Variants in HDAC9 observed in about 807,000 individuals in gnomAD.
HDAC9 encodes the protein MEF-2 interacting transcription repressor (MITR) protein.
In HDAC9, 41 loss-of-function variants were observed where a neutral mutation model predicts 139.4. The ratio of observed to expected loss-of-function variants is 0.29; its 90% CI spans 0.23 to 0.38. HDAC9 has a LOEUF of 0.38. HDAC9 is among the 10% of genes least tolerant of loss of function. The probability of loss-of-function intolerance (pLI) is 1.00; values close to 1 mark genes in which losing one functional copy is unlikely to be tolerated. For missense variants in HDAC9, 1,147 were observed against 1,297.0 expected, an observed-to-expected ratio of 0.88 and a Z score of 1.78; for synonymous variants, 517 against 476.2, an observed-to-expected ratio of 1.09 and a Z score of -1.12.
In HDAC9 at chr7:18,177,544, C is replaced by G. The variant is rs138630144; in HGVS notation, c.25+15195C>G. On this transcript the variant is annotated intron_variant, in intron 2 of 12. Transcript: ENST00000417496. ...TTCTTGCTTGGAGGCCTTTGAATGA[C>G]CCTTCCTCACCACTGGGAGTGTCCT... Among the ~76,000 whole-genome samples, 207 of 152,272 alleles carry G rather than the reference C, an allele frequency of 1.4e-3. 1 individual carries two copies. Among genetic ancestry groups the G allele is most frequent in the African/African-American group, 4.9e-3 (202 of 41,544 alleles).
intron 1 of HDAC9, among the ~76,000 whole-genome samples, chr7:18,388,706 A>C (rs1341875775): frequency 6.6e-6 from 1 of 152,140 alleles, no homozygotes; most frequent in Non-Finnish European, 1.5e-5. Context: ...CCTTGAGTCC[A>C]TCTGAAACAA....
chr7:18,648,624 C>A lies in HDAC9; in HGVS notation c.1408C>A (p.Gln470Lys), dbSNP rs770371922. The A allele has an allele frequency of 1.2e-6, 2 of 1,613,470 alleles. No individual in the cohort carries two copies. The highest frequency in any genetic ancestry group is 8.5e-7 in the Non-Finnish European group (1 of 1,179,686). Residue 470 changes from glutamine (Q) to lysine (K), a missense_variant, in exon 11 of 26, where the codon CAA becomes AAA. Physicochemically the swap from Gln to Lys is moderately conservative, Grantham distance 53. Around this residue, in one of 7 missense-constraint regions of HDAC9, gnomAD observed 256 missense variants for 219.2 expected, o/e 1.17. Transcript: ENST00000686413. ...GTTGGCTCAGCTGGTCATTCAACAG[C>A]AACACCAGCAATTCTTGGAGAAGCA... ...STLAQLVIQQ[Q>K]HQQFLEKQKQ...
At chr7:18,926,160 G>A (rs1004226288) in intron 22 of HDAC9, among the ~76,000 whole-genome samples, 4 of 152,102 alleles carry the variant, frequency 2.6e-5, no homozygotes, top group African/African-American at 9.7e-5. Flanking sequence ...ACCAGCCTGG[G>A]CAACATAGTA....
intron 7 of HDAC9, 112 bp downstream of exon 7, chr7:18,629,593 C>A: frequency 2.8e-6 from 3 of 1,061,758 alleles, no homozygotes; most frequent in East Asian, 2.9e-5. Flanking sequence ...AGAAATATTT[C>A]TTGAAAGGAA....
chr7:18,453,751 A>C (rs1407797242), intron 1 of HDAC9, among the ~76,000 whole-genome samples: 3 of 152,220 alleles, frequency 2.0e-5, no homozygotes, highest in African/African-American at 7.2e-5. Flanking sequence ...TATTACAAAT[A>C]AGTAAATGTC....
intron 22 of HDAC9, among the ~76,000 whole-genome samples, chr7:18,899,739 G>C (rs916912324): frequency 8.6e-5 from 13 of 151,810 alleles, no homozygotes; most frequent in African/African-American, 3.1e-4. Context: ...AGTGTAATTT[G>C]TTATATAACT....
intron 1 of HDAC9, among the ~76,000 whole-genome samples, chr7:18,421,566 CA>C (rs1290818745): frequency 8.5e-5 from 13 of 152,128 alleles, no homozygotes; most frequent in African/African-American, 3.1e-4. Flanking sequence ...TGGAAAGATA[CA>C]GGGAACTTTT....
intron 1 of HDAC9, among the ~76,000 whole-genome samples, chr7:18,303,225 C>CT (rs560496191): frequency 5.3e-4 from 78 of 148,518 alleles, no homozygotes; most frequent in Middle Eastern, 3.4e-3. Context: ...GAATAAGACT[C>CT]TTTTTTTTTT....
At chr7:18,621,509 A>G (rs1840198888) in intron 6 of HDAC9, among the ~76,000 whole-genome samples, 1 of 152,128 alleles carries the variant, frequency 6.6e-6, no homozygotes, top group South Asian at 2.1e-4. Context: ...AAGAGAATGG[A>G]TAGATGCAGT....
chr7:18,945,761 A>G (rs951425061), intron 23 of HDAC9, among the ~76,000 whole-genome samples: 1 of 151,674 alleles, frequency 6.6e-6, no homozygotes, highest in Non-Finnish European at 1.5e-5. Context: ...CCATTCAGCC[A>G]GGCACAGTGG....
chr7:18,262,737 A>C (rs1795760617), intron 2 of HDAC9, among the ~76,000 whole-genome samples: 1 of 152,214 alleles, frequency 6.6e-6, no homozygotes, highest in Non-Finnish European at 1.5e-5. Context: ...AGGGTAGAGA[A>C]CAGAGCTATT....
intron 15 of HDAC9, among the ~76,000 whole-genome samples, chr7:18,764,400 A>G (rs1258639078): frequency 6.6e-6 from 1 of 152,178 alleles, no homozygotes; most frequent in Non-Finnish European, 1.5e-5. Flanking sequence ...ACGTAAGTAC[A>G]CAGAAACAGG....
At chr7:18,439,479 G>T (rs908682310) in intron 1 of HDAC9, among the ~76,000 whole-genome samples, 1 of 152,014 alleles carries the variant, frequency 6.6e-6, no homozygotes, top group Non-Finnish European at 1.5e-5. Context: ...CCCATCTCAC[G>T]TCTGCTTCAT....
chr7:18,768,828 T>G (rs922240586), intron 16 of HDAC9, among the ~76,000 whole-genome samples: 1 of 152,192 alleles, frequency 6.6e-6, no homozygotes. Flanking sequence ...GCAAAAGTGT[T>G]ATACATTCAG....
intron 13 of HDAC9, among the ~76,000 whole-genome samples, chr7:18,743,506 A>T (rs1051262663): frequency 6.6e-6 from 1 of 152,088 alleles, no homozygotes; most frequent in Non-Finnish European, 1.5e-5. Context: ...TAAAAATTAC[A>T]CTGTTTGGTA....
chr7:18,096,618 GA>G (rs1388598128), intron 1 of HDAC9, among the ~76,000 whole-genome samples: 1 of 152,180 alleles, frequency 6.6e-6, no homozygotes, highest in East Asian at 1.9e-4. Flanking sequence ...TGTCATTAAT[GA>G]AATTGTAAGC....
At position 18,163,969 on chromosome 7, in the gene HDAC9, C is replaced by T. The variant is rs374257166; in HGVS notation, c.25+1620C>T. On this transcript the variant is annotated intron_variant, in intron 2 of 12. Transcript: ENST00000417496. ...TGCTATTTTGATGAGGAAATTCTTG[C>T]GAGTTGTGATAATTGTTCAGTTATG... Among the ~76,000 whole-genome samples, 72 of 152,076 alleles carry T rather than the reference C, an allele frequency of 4.7e-4. No individual in the cohort carries two copies. The South Asian group carries it at 0.012, about 26-fold the overall frequency.
At chr7:18,692,545 C>T (rs1299572585) in intron 12 of HDAC9, among the ~76,000 whole-genome samples, 1 of 152,032 alleles carries the variant, frequency 6.6e-6, no homozygotes, top group Non-Finnish European at 1.5e-5. Flanking sequence ...TTTCCTTTTT[C>T]TGTGCATTTG....
At chr7:18,670,041 TAG>T (rs1795574956) in intron 12 of HDAC9, among the ~76,000 whole-genome samples, 2 of 151,860 alleles carry the variant, frequency 1.3e-5, no homozygotes, top group African/African-American at 4.8e-5. Flanking sequence ...TAGATATATA[TAG>T]AGTATTGTTT....
Sources: gnomAD v4.1 joint callset for allele counts (sites outside exome capture counted in the v4.1 genomes callset) on GRCh38, gnomAD v4.1.1 for gene constraint, gnomAD v4.1.1 regional missense constraint, MANE v1.5 for transcripts, NCBI Gene and HGNC (gene_info 2026-07-23, HGNC 2026-07-21) for gene names.